INPP4B: variants seen among roughly 807,000 people sequenced by gnomAD.
INPP4B encodes inositol polyphosphate 4-phosphatase type II.
INPP4B carries 55 observed loss-of-function variants against 122.5 expected under a neutral mutation model. The ratio of observed to expected loss-of-function variants is 0.45; its 90% CI spans 0.36 to 0.56. The LOEUF (loss-of-function observed/expected upper bound fraction) is 0.56, where lower values mean the gene tolerates loss of function less well. Among genes scored for constraint, INPP4B ranks in the 20% least tolerant of loss-of-function variants. The pLI, the probability that INPP4B is intolerant of heterozygous loss-of-function variation, is 0.00. For missense variants in INPP4B, 1,000 were observed against 1,097.7 expected (o/e 0.91, Z 1.26); for synonymous variants, 403 against 388.7 (o/e 1.04, Z -0.43).
At chr4:142,297,197 A>G (rs1261876369) in intron 9 of INPP4B, among the ~76,000 whole-genome samples, 1 of 152,220 alleles carries the variant, frequency 6.6e-6, no homozygotes. Context: ...ATTGCTGTCC[A>G]TATTTCTTTT....
chr4:142,423,890 A>T (rs1374082746), intron 5 of INPP4B: 1 of 387,036 alleles, frequency 2.6e-6, no homozygotes, highest in South Asian at 1.9e-5. Flanking sequence ...ATGTAGATTA[A>T]TCAGGAATCC....
intron 1 of INPP4B, among the ~76,000 whole-genome samples, chr4:142,731,979 C>A (rs1308747184): frequency 6.6e-6 from 1 of 152,078 alleles, no homozygotes; most frequent in African/African-American, 2.4e-5. Context: ...ACCTAGTACC[C>A]TTTCCCAGAA....
intron 21 of INPP4B, among the ~76,000 whole-genome samples, chr4:142,120,407 T>C (rs1796077529): frequency 6.6e-6 from 1 of 152,086 alleles, no homozygotes; most frequent in African/African-American, 2.4e-5. Flanking sequence ...AATGAATCTA[T>C]AGATCAATTA....
Position 142,166,070 on chromosome 4 carries a change from T to C in INPP4B, c.1360-5509A>G, listed in dbSNP as rs558125172. 1.1e-4 allele frequency among the ~76,000 whole-genome samples: 16 copies of C among 151,886 alleles called. No homozygotes were observed. The Middle Eastern group carries it at 0.01, about 97-fold the overall frequency. ...TTTGCCCATTTTTAATTGAGCTGTT[T>C]GTTGTATTAAGTTCTAAGAATGCAT... On this transcript the variant is annotated intron_variant, in intron 16 of 25. Coordinates refer to ENST00000262992, the MANE Select transcript of INPP4B (RefSeq NM_001101669.3).
chr4:142,195,283 A>AC (rs1344965082), intron 14 of INPP4B, among the ~76,000 whole-genome samples: 1 of 152,178 alleles, frequency 6.6e-6, no homozygotes, highest in East Asian at 1.9e-4. Context: ...AGAAATGGAG[A>AC]GGGGGAATGC....
At chr4:142,811,658 A>G (rs185093914) in intron 1 of INPP4B, among the ~76,000 whole-genome samples, 53 of 152,342 alleles carry the variant, frequency 3.5e-4, no homozygotes, top group Admixed American at 3.5e-3. Context: ...AAGCAGTCTT[A>G]GATATGTCAC....
At chr4:142,669,287 A>G (rs1007811310) in intron 2 of INPP4B, among the ~76,000 whole-genome samples, 4 of 152,312 alleles carry the variant, frequency 2.6e-5, no homozygotes, top group Non-Finnish European at 2.9e-5. Context: ...AAATTTTAAT[A>G]TAATTCTACA....
At chr4:142,399,848 C>T (rs1214217769) in intron 7 of INPP4B, among the ~76,000 whole-genome samples, 1 of 152,078 alleles carries the variant, frequency 6.6e-6, no homozygotes, top group African/African-American at 2.4e-5. Context: ...ACTCCATATG[C>T]CCCACCCCTC....
At chr4:142,750,576 A>T (rs1727917424) in intron 1 of INPP4B, among the ~76,000 whole-genome samples, 1 of 152,128 alleles carries the variant, frequency 6.6e-6, no homozygotes, top group Non-Finnish European at 1.5e-5. Flanking sequence ...AGAGGTTTCC[A>T]CTAAGAAAGT....
At chr4:142,290,925 T>G (rs1167715037) in intron 9 of INPP4B, among the ~76,000 whole-genome samples, 5 of 152,160 alleles carry the variant, frequency 3.3e-5, no homozygotes, top group Non-Finnish European at 2.9e-5. Context: ...CAATATTTAT[T>G]GGCAGCTATG....
intron 2 of INPP4B, among the ~76,000 whole-genome samples, chr4:142,705,347 T>A (rs765784636): frequency 6.6e-6 from 1 of 152,046 alleles, no homozygotes; most frequent in Non-Finnish European, 1.5e-5. Context: ...CTGACTCTCC[T>A]TTTTTTGTGT....
At chr4:142,052,267 G>A (rs1040871565) in intron 25 of INPP4B, among the ~76,000 whole-genome samples, 4 of 151,958 alleles carry the variant, frequency 2.6e-5, no homozygotes, top group Non-Finnish European at 5.9e-5. Context: ...GAGATTAGAT[G>A]TAGAATAAAT....
At chr4:142,295,963 A>G (rs1485122522) in intron 9 of INPP4B, among the ~76,000 whole-genome samples, 1 of 152,234 alleles carries the variant, frequency 6.6e-6, no homozygotes, top group Non-Finnish European at 1.5e-5. Flanking sequence ...CAGGTCAAAT[A>G]TAATTCCTTT....
At chr4:142,388,837 G>T (rs1454428001) in intron 7 of INPP4B, among the ~76,000 whole-genome samples, 4 of 152,146 alleles carry the variant, frequency 2.6e-5, no homozygotes, top group African/African-American at 9.7e-5. Flanking sequence ...ATGTAAAAAT[G>T]AGGCCCTCAA....
chr4:142,272,025 T>C (rs572430899), intron 9 of INPP4B, among the ~76,000 whole-genome samples: 6 of 152,326 alleles, frequency 3.9e-5, no homozygotes, highest in African/African-American at 1.4e-4. Context: ...CTCATAGATA[T>C]GATGTGTTGC....
intron 2 of INPP4B, among the ~76,000 whole-genome samples, chr4:142,653,036 A>G (rs552595030): frequency 1.3e-5 from 2 of 152,294 alleles, no homozygotes; most frequent in East Asian, 3.9e-4. Context: ...TTATAGACCA[A>G]TGGAATAGAA....
rs974200397 is a variant in INPP4B at position 142,173,666 on chromosome 4, C to A, written c.1325G>T (p.Ser442Ile). The A allele has an allele frequency of 6.2e-7, 1 of 1,612,624 alleles. No individual in the cohort carries two copies. The highest frequency in any genetic ancestry group is 8.5e-7 in the Non-Finnish European group (1 of 1,179,232). Residue 442 changes from serine to isoleucine, a missense_variant, in exon 16 of 26, where the codon AGC becomes ATC. By Grantham distance (142) the Ser-to-Ile change is moderately radical. Transcript: ENST00000262992. ...LNSASQHSPD[S>I]LKNSLKMLSE... is the part of the protein sequence containing the mutation. ...AAGCATCTTTAAAGAATTCTTCAAG[C>A]TGTCTGGAGAATGCTGGCTTGCAGA...
At chr4:142,455,178 TA>T (rs1815123973) in intron 3 of INPP4B, among the ~76,000 whole-genome samples, 1 of 151,996 alleles carries the variant, frequency 6.6e-6, no homozygotes, top group South Asian at 2.1e-4. Context: ...TCAATTACAC[TA>T]TTTTAGTTAT....
chr4:142,700,204 G>A (rs867809436), intron 2 of INPP4B, among the ~76,000 whole-genome samples: 3 of 152,006 alleles, frequency 2.0e-5, no homozygotes, highest in African/African-American at 4.8e-5. Flanking sequence ...TTCTAAAACC[G>A]CAACAGGGAG....
Sources: allele counts gnomAD v4.1 joint callset (sites outside exome capture counted in the v4.1 genomes callset), GRCh38; gene constraint gnomAD v4.1.1; transcripts MANE v1.5; gene names NCBI Gene and HGNC (gene_info 2026-07-23, HGNC 2026-07-21).